The following HACL1 variants were observed in gnomAD, a reference collection of about 807,000 sequenced individuals.
HACL1 encodes 1600020H07Rik.
In HACL1, 64 loss-of-function variants were observed where a neutral mutation model predicts 74.2. The observed-to-expected ratio is 0.86, with a 90% CI of 0.70 to 1.06. HACL1 has a LOEUF of 1.06. Among genes scored for constraint, HACL1 ranks in the 50% least tolerant of loss-of-function variants. HACL1 has a pLI of 0.00. For synonymous variants in HACL1, 230 were observed against 238.8 expected, an observed-to-expected ratio of 0.96 and a Z score of 0.34; for missense variants, 728 against 719.7, an observed-to-expected ratio of 1.01 and a Z score of -0.13.
rs747429137 is a variant in HACL1 at position 15,564,663 on chromosome 3, A to C, written c.1410-5T>G. 1.7e-6 allele frequency: 2 copies of C among 1,201,626 alleles called. No individual in the cohort carries two copies. The highest frequency in any genetic ancestry group is 4.0e-5 in the Admixed American group (2 of 49,460). The allele number at this position is 1,201,626 out of a possible 1,614,324, so 74.4% of individuals were successfully genotyped here. A position where few individuals can be genotyped will look rare whatever the true frequency, so the allele number is the denominator to read the frequency against. ...AGTATGATTGGCAAGTTGTACCTAA[A>C]GTGAGAGTAAAATATGAAGGAAATC... On this transcript the variant is annotated splice_region_variant and splice_polypyrimidine_tract_variant and intron_variant, in intron 14 of 16. Transcript: ENST00000321169.
chr3:15,579,923 C>T lies in HACL1; in HGVS notation c.790G>A (p.Ala264Thr). ...AATGCCACACACCTGGATCTGGCTG[C>T]ACCTACACAGTATGGATGGTTGTCA... ...VPDNHPYCVG[A>T]ARSRALQFAD... Residue 264 changes from alanine (A) to threonine (T), a missense_variant, in exon 9 of 17, where the codon GCA (alanine) becomes ACA (threonine). Ala to Thr is a moderately conservative substitution (Grantham distance 58). Coordinates refer to ENST00000321169, the MANE Select transcript of HACL1 (RefSeq NM_012260.4). The T allele has an allele frequency of 1.2e-6, 2 of 1,608,504 alleles. No homozygotes were observed. Among genetic ancestry groups the T allele is most frequent in the Non-Finnish European group, 1.7e-6 (2 of 1,176,930 alleles).
chr3:15,596,185 A>G (rs2064059771), intron 3 of HACL1, 199 bp downstream of exon 3: 1 of 531,332 alleles, frequency 1.9e-6, no homozygotes, highest in East Asian at 3.2e-5. Context: ...ACAAAATGGC[A>G]ATGTGTTCCA....
intron 3 of HACL1, 99 bp downstream of exon 3, chr3:15,596,285 T>C (rs2064061935): frequency 1.4e-6 from 1 of 701,438 alleles, no homozygotes; most frequent in Admixed American, 2.2e-5. Flanking sequence ...AATATATTTT[T>C]CTATAATCTT....
chr3:15,585,896 T>C lies in HACL1; in HGVS notation c.460-554A>G, dbSNP rs535209845. On this transcript the variant is annotated intron_variant, in intron 6 of 16. Transcript: ENST00000321169. ...CAGGTGGAAAATTCCATATCTGACC[T>C]CATGTGACAGCTCACAGTCAAAATG... Among the ~76,000 whole-genome samples the C allele has an allele frequency of 7.9e-5, 12 of 152,176 alleles. No individual in the cohort carries two copies. The South Asian group carries it at 2.5e-3, about 32-fold the overall frequency.
At chr3:15,584,222 T>C (rs1361509245) in intron 7 of HACL1, among the ~76,000 whole-genome samples, 3 of 152,180 alleles carry the variant, frequency 2.0e-5, no homozygotes, top group Non-Finnish European at 4.4e-5. Flanking sequence ...CTCCCCTTAG[T>C]AGTATTTTGA....
chr3:15,582,828 AT>A (rs771894381), intron 8 of HACL1, 48 bp downstream of exon 8: 26 of 872,514 alleles, frequency 3.0e-5, no homozygotes, highest in Non-Finnish European at 3.8e-6. Flanking sequence ...TGTAAAAAGA[AT>A]TGGCACTTTC....
intron 8 of HACL1, among the ~76,000 whole-genome samples, chr3:15,580,497 T>A (rs1193705687): frequency 6.6e-6 from 1 of 152,218 alleles, no homozygotes; most frequent in Admixed American, 6.5e-5. Context: ...GCTGGTATTT[T>A]AAAATGCTTA....
chr3:15,601,265 G>A (rs560596585), intron 1 of HACL1, 71 bp from the exon 2 acceptor site: 48 of 1,546,948 alleles, frequency 3.1e-5, no homozygotes, highest in Non-Finnish European at 4.2e-5. Flanking sequence ...CCTCCCTCCC[G>A]GGCGCTAAAA....
In HACL1 at chr3:15,586,621, T is replaced by A; in HGVS notation, c.382-19A>T. The A allele has an allele frequency of 7.1e-7, 1 of 1,408,444 alleles. No individual in the cohort carries two copies. Among genetic ancestry groups the A allele is most frequent in the Non-Finnish European group, 1.0e-6 (1 of 997,550 alleles). The allele number at this position is 1,408,444 out of a possible 1,614,324, so 87.2% of individuals were successfully genotyped here. ...CTTCAACCTACATGGAAAATGAAAA[T>A]CACTTAAAATTCAGCTCACAATCAT... is the stretch of plus-strand genomic sequence containing the variant. On this transcript the variant is annotated intron_variant, in intron 5 of 16. Transcript: ENST00000321169.
Position 15,591,522 on chromosome 3 carries a change from A to G in HACL1, c.308+78T>C, listed in dbSNP as rs1422934794. On this transcript the variant is annotated intron_variant, in intron 4 of 16. Transcript: ENST00000321169. ...TTTTTTCCAAGTCTTTCTACCCTAGATCAGCATTAGCTCTACTCAGTAAAA... is the reference window on the plus strand; with the variant it reads ...TTTTTTCCAAGTCTTTCTACCCTAGGTCAGCATTAGCTCTACTCAGTAAAA... The G allele has an allele frequency of 1.4e-5, 11 of 773,166 alleles. No homozygotes were observed. The East Asian group carries it at 2.5e-4, about 18-fold the overall frequency. The allele number at this position is 773,166 out of a possible 1,614,324, so 47.9% of individuals were successfully genotyped here.
intron 2 of HACL1, among the ~76,000 whole-genome samples, chr3:15,598,310 C>T (rs1457072998): frequency 2.0e-5 from 3 of 152,090 alleles, no homozygotes; most frequent in African/African-American, 4.8e-5. Context: ...CGTGAGCCAC[C>T]GCGCCTGGCC....
Position 15,580,027 on chromosome 3 carries a change from G to A in HACL1, c.686C>T (p.Ala229Val). Residue 229 changes from alanine to valine, a missense_variant, in exon 9 of 17, where the codon GCA becomes GTA. Ala to Val is a moderately conservative substitution (Grantham distance 64). Coordinates refer to ENST00000321169, the MANE Select transcript of HACL1 (RefSeq NM_012260.4). ...CACCAATTTCTTGATACTCTCTTCTGCATGAGCGTAAGCAGCACCTATAAG... is the reference window on the plus strand; with the variant it reads ...CACCAATTTCTTGATACTCTCTTCTACATGAGCGTAAGCAGCACCTATAAG... ...IIGKGAAYAH[A>V]EESIKKLVEQ... 1.2e-6 allele frequency: 2 copies of A among 1,611,786 alleles called. No homozygotes were observed. The highest frequency in any genetic ancestry group is 1.7e-6 in the Non-Finnish European group (2 of 1,177,976).
intron 15 of HACL1, among the ~76,000 whole-genome samples, chr3:15,564,128 T>G (rs1441094107): frequency 6.6e-6 from 1 of 152,246 alleles, no homozygotes; most frequent in Non-Finnish European, 1.5e-5. Flanking sequence ...CAATACTGTC[T>G]TAATCTGGCT....
chr3:15,574,050 G>A (rs2063580063), intron 10 of HACL1, among the ~76,000 whole-genome samples: 1 of 152,188 alleles, frequency 6.6e-6, no homozygotes, highest in South Asian at 2.1e-4. Flanking sequence ...ACTGGGAAAA[G>A]GGCAACTGTA....
chr3:15,600,453 G>T (rs2064182395), intron 2 of HACL1, among the ~76,000 whole-genome samples: 1 of 152,262 alleles, frequency 6.6e-6, no homozygotes, highest in Non-Finnish European at 1.5e-5. Flanking sequence ...ACTTAAAGTG[G>T]ATTGACAAAA....
intron 8 of HACL1, among the ~76,000 whole-genome samples, chr3:15,581,389 T>C (rs2063714303): frequency 1.3e-5 from 2 of 152,250 alleles, no homozygotes; most frequent in Admixed American, 1.3e-4. Flanking sequence ...TATATAATTC[T>C]CTACTGAATC....
chr3:15,586,108 A>G (rs1233149738), intron 6 of HACL1, among the ~76,000 whole-genome samples: 1 of 152,190 alleles, frequency 6.6e-6, no homozygotes, highest in Non-Finnish European at 1.5e-5. Context: ...CACTTCTGAA[A>G]AGCATTTCAG....
Position 15,571,410 on chromosome 3 carries a change from G to C in HACL1, c.1095+258C>G, listed in dbSNP as rs199746047. On this transcript the variant is annotated intron_variant, in intron 12 of 16. Coordinates refer to ENST00000321169, the MANE Select transcript of HACL1 (RefSeq NM_012260.4). ...TTCAGAAACTTCAGGTCTTTTTCAAGGTAAAATGCTATATTCATTGGCATA... is the reference window on the plus strand; with the variant it reads ...TTCAGAAACTTCAGGTCTTTTTCAACGTAAAATGCTATATTCATTGGCATA... 5.3e-5 allele frequency among the ~76,000 whole-genome samples: 8 copies of C among 151,982 alleles called. No homozygotes were observed. In the East Asian group the frequency reaches 1.5e-3, roughly 29 times the overall value.
chr3:15,593,794 G>GTTTTTTTTTTTTTTT (rs1559563174), intron 3 of HACL1, among the ~76,000 whole-genome samples: 2 of 116,658 alleles, frequency 1.7e-5, no homozygotes, highest in Non-Finnish European at 1.8e-5. Context: ...TTTTTTTTTT[G>GTTTTTTTTTTTTTTT]TCTTTTTTTT....
Sources: gnomAD v4.1 joint callset for allele counts (sites outside exome capture counted in the v4.1 genomes callset) on GRCh38, gnomAD v4.1.1 for gene constraint, MANE v1.5 for transcripts, NCBI Gene and HGNC (gene_info 2026-07-23, HGNC 2026-07-21) for gene names.